WWP2: variants seen among roughly 807,000 people sequenced by gnomAD.
WWP2 encodes NEDD4-like E3 ubiquitin-protein ligase WWP2.
Under a neutral mutation model 121.0 loss-of-function variants are expected in WWP2, and 57 were observed. The observed-to-expected ratio is 0.47, with a 90% CI of 0.38 to 0.59. The LOEUF (loss-of-function observed/expected upper bound fraction) is 0.59. Among genes scored for constraint, WWP2 ranks in the 20% least tolerant of loss-of-function variants. WWP2 has a pLI of 0.00. For missense variants in WWP2, 962 were observed against 1,158.9 expected (o/e 0.83, Z 2.47); for synonymous variants, 449 against 441.3 (o/e 1.02, Z -0.22).
At chr16:69,765,941 G>C (rs2038718871) in intron 1 of WWP2, among the ~76,000 whole-genome samples, 1 of 152,086 alleles carries the variant, frequency 6.6e-6, no homozygotes, top group Admixed American at 6.5e-5. Context: ...GAGATTACAG[G>C]CATGAACCAT....
chr16:69,831,093 T>C (rs1265308230), intron 4 of WWP2, among the ~76,000 whole-genome samples: 1 of 152,130 alleles, frequency 6.6e-6, no homozygotes, highest in Non-Finnish European at 1.5e-5. Flanking sequence ...ACTAAGCAGG[T>C]CTTATGTTAA....
intron 8 of WWP2, among the ~76,000 whole-genome samples, chr16:69,895,979 G>A (rs1037638496): frequency 1.3e-5 from 2 of 152,170 alleles, no homozygotes; most frequent in Non-Finnish European, 2.9e-5. Flanking sequence ...GGAATAGTGT[G>A]TGTTTCTGGC....
chr16:69,792,414 A>G (rs1407834377), intron 2 of WWP2, among the ~76,000 whole-genome samples: 1 of 152,152 alleles, frequency 6.6e-6, no homozygotes, highest in East Asian at 1.9e-4. Context: ...TGATTTGTTG[A>G]CTTTAAAAGC....
At chr16:69,774,979 A>G (rs1478759183) in intron 1 of WWP2, 1 of 152,622 alleles carries the variant, frequency 6.6e-6, no homozygotes, top group Admixed American at 6.6e-5. Flanking sequence ...AAAAAAAAAA[A>G]AAAGAAAAGA....
At chr16:69,786,827 C>T (rs558142374) in intron 1 of WWP2, among the ~76,000 whole-genome samples, 169 bp from the exon 2 acceptor site, 24 of 152,284 alleles carry the variant, frequency 1.6e-4, no homozygotes, top group African/African-American at 5.3e-4. Context: ...ATCCTAAGAC[C>T]TGTCCAGGTT....
intron 6 of WWP2, among the ~76,000 whole-genome samples, chr16:69,852,738 A>G (rs1376056383): frequency 1.3e-5 from 2 of 152,038 alleles, no homozygotes; most frequent in Non-Finnish European, 2.9e-5. Context: ...TCTTTATCAG[A>G]TATATGTTTT....
At chr16:69,894,293 C>T (rs562715547) in intron 8 of WWP2, among the ~76,000 whole-genome samples, 2 of 150,048 alleles carry the variant, frequency 1.3e-5, no homozygotes, top group African/African-American at 2.5e-5. Flanking sequence ...GTTGCCCATG[C>T]GGATCTCAAA....
At chr16:69,810,143 A>T (rs564583094) in intron 4 of WWP2, among the ~76,000 whole-genome samples, 1 of 152,108 alleles carries the variant, frequency 6.6e-6, no homozygotes, top group South Asian at 2.1e-4. Context: ...TCGTTCTTTC[A>T]TTTGCTCCCT....
intron 6 of WWP2, among the ~76,000 whole-genome samples, chr16:69,867,709 G>A (rs1409927452): frequency 6.6e-6 from 1 of 152,222 alleles, no homozygotes; most frequent in Non-Finnish European, 1.5e-5. Context: ...ATCCTGAGAA[G>A]GGCGAGCTAC....
At chr16:69,789,547 T>C (rs2055864497) in intron 2 of WWP2, among the ~76,000 whole-genome samples, 1 of 152,184 alleles carries the variant, frequency 6.6e-6, no homozygotes, top group African/African-American at 2.4e-5. Context: ...TCAAAATTCT[T>C]TCCTGCAGTC....
At chr16:69,843,173 T>C (rs2057011001) in intron 6 of WWP2, among the ~76,000 whole-genome samples, 1 of 152,134 alleles carries the variant, frequency 6.6e-6, no homozygotes, top group Non-Finnish European at 1.5e-5. Flanking sequence ...AGAGCAATGG[T>C]TCTTTGTGCA....
intron 1 of WWP2, among the ~76,000 whole-genome samples, chr16:69,767,682 A>G (rs543120254): frequency 3.1e-4 from 47 of 152,262 alleles, no homozygotes; most frequent in African/African-American, 9.4e-4. Flanking sequence ...GGAGGGGGCT[A>G]TGTGGGGATT....
intron 5 of WWP2, 58 bp downstream of exon 5, chr16:69,840,321 C>A: frequency 6.2e-7 from 1 of 1,603,672 alleles, no homozygotes; most frequent in South Asian, 1.1e-5. Flanking sequence ...TGGGCGGGGG[C>A]CAGGAGGTGC....
At chr16:69,921,575 A>G (rs184511685) in intron 10 of WWP2, among the ~76,000 whole-genome samples, 3 of 151,070 alleles carry the variant, frequency 2.0e-5, no homozygotes, top group Admixed American at 2.0e-4. Flanking sequence ...CCCTTTCCCA[A>G]CTCCTAGTGT....
At chr16:69,842,932 C>T (rs1474368893) in intron 6 of WWP2, among the ~76,000 whole-genome samples, 1 of 152,084 alleles carries the variant, frequency 6.6e-6, no homozygotes, top group Non-Finnish European at 1.5e-5. Context: ...GCCTCCCAAA[C>T]TGTTGGGATT....
intron 7 of WWP2, among the ~76,000 whole-genome samples, chr16:69,872,969 A>G (rs950483856): frequency 2.6e-5 from 4 of 152,306 alleles, no homozygotes; most frequent in Admixed American, 1.3e-4. Context: ...ATCTTTAGAG[A>G]CTGCTGGTCG....
chr16:69,866,577 C>T (rs918418094), intron 6 of WWP2, among the ~76,000 whole-genome samples: 8 of 152,192 alleles, frequency 5.3e-5, no homozygotes, highest in South Asian at 2.1e-4. Context: ...CTTTTTGCCA[C>T]GGGCTTCTTT....
chr16:69,857,655 CTTTTTTTTTTTTTTT>C (rs1166811815), intron 6 of WWP2, among the ~76,000 whole-genome samples: 2 of 71,936 alleles, frequency 2.8e-5, no homozygotes, highest in Non-Finnish European at 5.1e-5. Context: ...AAGGTCAACT[CTTTTTTTTTTTTTTT>C]TTTTTTTTTG....
At chr16:69,860,655 T>C (rs2057400299) in intron 6 of WWP2, among the ~76,000 whole-genome samples, 1 of 152,140 alleles carries the variant, frequency 6.6e-6, no homozygotes, top group African/African-American at 2.4e-5. Context: ...CATATTCTTT[T>C]TGGAGCCTGC....
Sources: gnomAD v4.1 joint callset for allele counts (sites outside exome capture counted in the v4.1 genomes callset) on GRCh38, gnomAD v4.1.1 for gene constraint, MANE v1.5 for transcripts, NCBI Gene and HGNC (gene_info 2026-07-23, HGNC 2026-07-21) for gene names.